The following SYTL3 variants were observed in gnomAD, a reference collection of about 807,000 sequenced individuals.
SYTL3 encodes the protein synaptotagmin like 3.
A neutral mutation model predicts 82.1 loss-of-function variants in SYTL3; 88 were observed. The ratio of observed to expected loss-of-function variants is 1.07; its 90% CI spans 0.90 to 1.28. The LOEUF (loss-of-function observed/expected upper bound fraction) is 1.28, where lower values mean the gene tolerates loss of function less well. Among genes scored for constraint, SYTL3 ranks in the 50% most tolerant of loss-of-function variants. The pLI, the probability that SYTL3 is intolerant of heterozygous loss-of-function variation, is 0.00. For synonymous variants in SYTL3, 311 were observed against 289.4 expected, an observed-to-expected ratio of 1.07 and a Z score of -0.76; for missense variants, 831 against 757.6, an observed-to-expected ratio of 1.10 and a Z score of -1.14.
intron 6 of SYTL3, among the ~76,000 whole-genome samples, chr6:158,695,475 A>G (rs1379836033): frequency 3.3e-5 from 5 of 152,220 alleles, no homozygotes; most frequent in African/African-American, 1.2e-4. Context: ...AGACACATAT[A>G]TACTTAAATA....
rs995371996 is a variant in SYTL3 at position 158,745,603 on chromosome 6, A to G, written c.979A>G (p.Ile327Val). The G allele has an allele frequency of 4.3e-6, 7 of 1,613,652 alleles. No homozygotes were observed. Among genetic ancestry groups the G allele is most frequent in the South Asian group, 1.1e-5 (1 of 90,982 alleles). Residue 327 changes from isoleucine to valine, a missense_variant, in exon 12 of 18, where the codon ATC becomes GTC. Ile to Val is a conservative substitution (Grantham distance 29). Transcript: ENST00000611299. Reference protein sequence around the residue: ...CFKTHSLEICIKACKNLAYGE... With the variant: ...CFKTHSLEICVKACKNLAYGE... ...CAAAACCCATTCTTTAGAAATATGC[A>G]TCAAGGCCTGTAAGAACCTTGCCTA...
At chr6:158,713,469 G>C (rs1190497751) in intron 8 of SYTL3, among the ~76,000 whole-genome samples, 1 of 152,120 alleles carries the variant, frequency 6.6e-6, no homozygotes, top group Admixed American at 6.5e-5. Context: ...ATTTACTTGA[G>C]TACAGTCTTT....
intron 14 of SYTL3, among the ~76,000 whole-genome samples, chr6:158,759,741 C>A (rs1789653771): frequency 6.6e-6 from 1 of 152,236 alleles, no homozygotes; most frequent in Non-Finnish European, 1.5e-5. Flanking sequence ...ACCATGTTGG[C>A]CAGGCTGGTC....
intron 1 of SYTL3, among the ~76,000 whole-genome samples, chr6:158,651,124 C>G (rs1787957515): frequency 6.6e-6 from 1 of 152,140 alleles, no homozygotes; most frequent in East Asian, 1.9e-4. Flanking sequence ...GACTCACTCT[C>G]CTCATCTGTA....
intron 2 of SYTL3, among the ~76,000 whole-genome samples, chr6:158,655,746 G>A (rs1788598247): frequency 6.6e-6 from 1 of 152,184 alleles, no homozygotes; most frequent in African/African-American, 2.4e-5. Flanking sequence ...CGTGAAGTGG[G>A]TGCTGCACCT....
chr6:158,685,279 TCTC>T (rs1221821224), intron 6 of SYTL3, among the ~76,000 whole-genome samples: 1 of 151,320 alleles, frequency 6.6e-6, no homozygotes, highest in African/African-American at 2.4e-5. Flanking sequence ...AGTAGCATGA[TCTC>T]AGCTCACTGT....
chr6:158,684,318 A>T (rs1323382806), intron 6 of SYTL3, among the ~76,000 whole-genome samples: 1 of 152,196 alleles, frequency 6.6e-6, no homozygotes, highest in African/African-American at 2.4e-5. Context: ...GATACTTTAA[A>T]GGAGGCTTGT....
intron 11 of SYTL3, among the ~76,000 whole-genome samples, chr6:158,733,259 T>G (rs1425508808): frequency 1.3e-5 from 2 of 151,394 alleles, no homozygotes; most frequent in Non-Finnish European, 3.0e-5. Flanking sequence ...TTTGGAAATA[T>G]TATTACTTTT....
intron 10 of SYTL3, among the ~76,000 whole-genome samples, chr6:158,725,031 AAGAAAAAAT>A (rs1403005579): frequency 1.3e-5 from 2 of 152,174 alleles, no homozygotes; most frequent in African/African-American, 4.8e-5. Flanking sequence ...CAAAAAAAGA[AAGAAAAAAT>A]AAAAAAAGCA....
intron 6 of SYTL3, among the ~76,000 whole-genome samples, chr6:158,688,117 T>C (rs1222363753): frequency 6.6e-6 from 1 of 152,256 alleles, no homozygotes; most frequent in Non-Finnish European, 1.5e-5. Context: ...CCAAAATGTA[T>C]TGATGACTCC....
intron 5 of SYTL3, among the ~76,000 whole-genome samples, chr6:158,671,734 TAAA>T (rs567259318): frequency 2.4e-5 from 2 of 81,964 alleles, no homozygotes; most frequent in African/African-American, 1.4e-4. Context: ...AGACTCAGTC[TAAA>T]AAAAAAAAAA....
chr6:158,763,087 G>T (rs775596488), intron 16 of SYTL3, among the ~76,000 whole-genome samples: 2 of 152,214 alleles, frequency 1.3e-5, no homozygotes, highest in Non-Finnish European at 2.9e-5. Flanking sequence ...GGGCCACGAG[G>T]CCTCAGCATG....
chr6:158,664,271 G>A (rs1388488619), intron 4 of SYTL3, among the ~76,000 whole-genome samples: 2 of 152,230 alleles, frequency 1.3e-5, no homozygotes, highest in Admixed American at 6.5e-5. Flanking sequence ...CAGTCTGGGC[G>A]TGGTGGCTCA....
Position 158,708,351 on chromosome 6 carries a change from C to G in SYTL3, c.476C>G (p.Pro159Arg). 6.2e-7 allele frequency: 1 copy of G among 1,614,184 alleles called. No individual in the cohort carries two copies. ...SKISVVPPTP[P>R]PVSESQCSRS... is the part of the protein sequence containing the mutation. ...ATTTCTGTGGTTCCTCCTACTCCACCTCCTGTCAGCGAGAGCCAGTGCAGC... is the reference window on the plus strand; with the variant it reads ...ATTTCTGTGGTTCCTCCTACTCCACGTCCTGTCAGCGAGAGCCAGTGCAGC... The change falls in exon 8 of 18, where the codon CCT (proline) becomes CGT (arginine). Residue 159 changes from proline (P) to arginine (R), a missense_variant. Pro to Arg is a moderately radical substitution (Grantham distance 103, BLOSUM62 -2). Coordinates refer to ENST00000611299, the MANE Select transcript of SYTL3 (RefSeq NM_001242394.2).
chr6:158,647,597 T>G (rs990531147), upstream of SYTL3, among the ~76,000 whole-genome samples: 1 of 152,268 alleles, frequency 6.6e-6, no homozygotes, highest in East Asian at 1.9e-4. Flanking sequence ...GCCCAACTGA[T>G]GTAGTCTGTA....
intron 9 of SYTL3, among the ~76,000 whole-genome samples, chr6:158,717,241 T>C (rs7766157): frequency 6.6e-6 from 1 of 151,946 alleles, no homozygotes; most frequent in Admixed American, 6.5e-5. Flanking sequence ...ATCATTGCAC[T>C]CCATTCTGGG....
chr6:158,724,131 ATGGTG>A (rs1270137880), intron 10 of SYTL3, among the ~76,000 whole-genome samples: 2 of 152,226 alleles, frequency 1.3e-5, no homozygotes, highest in East Asian at 3.9e-4. Context: ...TTCCATTTGA[ATGGTG>A]TCTCTGTCTT....
chr6:158,713,804 A>T lies in SYTL3; in HGVS notation c.521A>T (p.Gln174Leu). ...CTCCTTCTGTCTCTGTTTTAGTTAC[A>T]GGAATTTGGTCAGTTTAGAGGATTT... ...SQCSRSPGRLQEFGQFRGFNK... is the reference protein window; with the variant it reads ...SQCSRSPGRLLEFGQFRGFNK... The change falls in exon 9 of 18, where the codon CAG becomes CTG. Residue 174 changes from glutamine (Q) to leucine (L), a missense_variant. Coordinates refer to ENST00000611299, the MANE Select transcript of SYTL3 (RefSeq NM_001242394.2). 1.3e-6 allele frequency: 2 copies of T among 1,546,560 alleles called. No individual in the cohort carries two copies. Among genetic ancestry groups the T allele is most frequent in the Non-Finnish European group, 1.7e-6 (2 of 1,142,892 alleles).
chr6:158,651,238 A>C (rs1017457485), intron 1 of SYTL3, among the ~76,000 whole-genome samples: 1 of 152,216 alleles, frequency 6.6e-6, no homozygotes, highest in Admixed American at 6.5e-5. Context: ...AATAAATAGT[A>C]GCTGTTGGCA....
Sources: gnomAD v4.1 joint callset for allele counts (sites outside exome capture counted in the v4.1 genomes callset) on GRCh38, gnomAD v4.1.1 for gene constraint, MANE v1.5 for transcripts, NCBI Gene and HGNC (gene_info 2026-07-23, HGNC 2026-07-21) for gene names.